The following DRC11 variants were observed in gnomAD, a reference collection of about 807,000 sequenced individuals.
The protein encoded by DRC11 is IQ and AAA domain-containing protein 1.
At chr2:236,410,497 T>A in the DRC11 span, among the ~76,000 whole-genome samples, 1 of 150,334 alleles carries the variant, frequency 6.7e-6, no homozygotes, top group Admixed American at 6.6e-5. Context: ...TTCAATGCCA[T>A]CCCCATCAAG....
the DRC11 span, among the ~76,000 whole-genome samples, chr2:236,393,204 C>T: frequency 2.6e-5 from 4 of 152,108 alleles, no homozygotes; most frequent in African/African-American, 9.7e-5. The surrounding 1 kb of genome is among the most constrained non-coding windows in gnomAD (Gnocchi z 4.7). Context: ...AGCTGACAAC[C>T]GCCACCCAGT....
At chr2:236,488,800 G>A in the DRC11 span, among the ~76,000 whole-genome samples, 44 of 152,328 alleles carry the variant, frequency 2.9e-4, no homozygotes, top group African/African-American at 9.9e-4. Flanking sequence ...GTAAAATGTT[G>A]TTTTGGGAGA....
the DRC11 span, among the ~76,000 whole-genome samples, chr2:236,356,969 T>TTATATATATTATATATCTATA: frequency 9.9e-4 from 88 of 88,720 alleles, 17 homozygotes; most frequent in Non-Finnish European, 1.5e-3. Flanking sequence ...AATATATATA[T>TTATATATATTATATATCTATA]TATATATTCA....
chr2:236,373,258 CTTT>C, the DRC11 span, among the ~76,000 whole-genome samples: 5 of 139,036 alleles, frequency 3.6e-5, no homozygotes, highest in Admixed American at 2.2e-4. Flanking sequence ...TGTATATTAA[CTTT>C]TTTTTTTTTT....
chr2:236,465,926 T>G, the DRC11 span, among the ~76,000 whole-genome samples: 1 of 152,252 alleles, frequency 6.6e-6, no homozygotes, highest in South Asian at 2.1e-4. This position sits in a 1 kb window ranked among gnomAD's most constrained non-coding sequence, Gnocchi z 6.2. Context: ...TCTTTTGTTT[T>G]GAAGTTTTCA....
chr2:236,483,065 C>T, the DRC11 span, among the ~76,000 whole-genome samples: 2 of 152,174 alleles, frequency 1.3e-5, no homozygotes, highest in Admixed American at 1.3e-4. This position sits in a 1 kb window ranked among gnomAD's most constrained non-coding sequence, Gnocchi z 4.8. Context: ...CAGTCCCTGA[C>T]AACCACCACC....
chr2:236,497,753 C>T, the DRC11 span, among the ~76,000 whole-genome samples: 2 of 152,076 alleles, frequency 1.3e-5, no homozygotes, highest in African/African-American at 4.8e-5. The surrounding 1 kb of genome is among the most constrained non-coding windows in gnomAD (Gnocchi z 5.1). Context: ...CTCACTTGGC[C>T]CATAAAGCCA....
At chr2:236,374,857 ATTTT>A in the DRC11 span, among the ~76,000 whole-genome samples, 1 of 125,938 alleles carries the variant, frequency 7.9e-6, no homozygotes, top group Admixed American at 8.2e-5. Flanking sequence ...TGCCTGGCTA[ATTTT>A]TTTTTTTTTT....
chr2:236,422,895 C>T, the DRC11 span, among the ~76,000 whole-genome samples: 2 of 151,900 alleles, frequency 1.3e-5, no homozygotes, highest in Non-Finnish European at 2.9e-5. Context: ...AGAAATAATG[C>T]CGCATATCTA....
the DRC11 span, among the ~76,000 whole-genome samples, chr2:236,421,557 G>A: frequency 6.6e-6 from 1 of 152,128 alleles, no homozygotes; most frequent in African/African-American, 2.4e-5. Flanking sequence ...CTGAAATTGA[G>A]GCAATAATTA....
chr2:236,364,920 C>T, the DRC11 span, among the ~76,000 whole-genome samples: 1 of 152,158 alleles, frequency 6.6e-6, no homozygotes, highest in African/African-American at 2.4e-5. Flanking sequence ...TACCATTCTC[C>T]ACATAAACTT....
At chr2:236,452,883 C>T in the DRC11 span, among the ~76,000 whole-genome samples, 2 of 152,180 alleles carry the variant, frequency 1.3e-5, no homozygotes, top group Non-Finnish European at 2.9e-5. The surrounding 1 kb of genome is among the most constrained non-coding windows in gnomAD (Gnocchi z 4.7). Context: ...ATATATTACT[C>T]AGCACACAAT....
chr2:236,453,510 T>C, the DRC11 span, among the ~76,000 whole-genome samples: 1 of 152,232 alleles, frequency 6.6e-6, no homozygotes, highest in Non-Finnish European at 1.5e-5. The surrounding 1 kb of genome is among the most constrained non-coding windows in gnomAD (Gnocchi z 4.9). Context: ...AACAGCTCTG[T>C]CCTCTGCCGC....
At chr2:236,476,247 G>A in the DRC11 span, among the ~76,000 whole-genome samples, 7 of 151,936 alleles carry the variant, frequency 4.6e-5, no homozygotes, top group Non-Finnish European at 1.0e-4. The surrounding 1 kb of genome is among the most constrained non-coding windows in gnomAD (Gnocchi z 4.7). Flanking sequence ...TTTTTCATCA[G>A]TGTTTTATAG....
At chr2:236,330,455 T>G in the DRC11 span, among the ~76,000 whole-genome samples, 1 of 152,238 alleles carries the variant, frequency 6.6e-6, no homozygotes, top group African/African-American at 2.4e-5. The surrounding 1 kb of genome is among the most constrained non-coding windows in gnomAD (Gnocchi z 5.5). Flanking sequence ...CCATTACTTC[T>G]GAAATCATTA....
chr2:236,389,528 C>T, the DRC11 span, among the ~76,000 whole-genome samples: 6 of 152,204 alleles, frequency 3.9e-5, no homozygotes, highest in Admixed American at 2.0e-4. Flanking sequence ...GGCTCGCGAC[C>T]GGTGCGCGCA....
the DRC11 span, among the ~76,000 whole-genome samples, chr2:236,358,473 A>T: frequency 1.4e-5 from 2 of 144,070 alleles, no homozygotes; most frequent in Non-Finnish European, 3.0e-5. Context: ...TATTTGATAA[A>T]TATTTGACAA....
At chr2:236,422,499 G>A in the DRC11 span, among the ~76,000 whole-genome samples, 54 of 152,170 alleles carry the variant, frequency 3.5e-4, no homozygotes, top group African/African-American at 1.3e-3. Context: ...TACAAGGGAC[G>A]TGAAGGACCT....
At chr2:236,503,721 T>A in the DRC11 span, 755 of 1,547,598 alleles carry the variant, frequency 4.9e-4, 6 homozygotes, top group African/African-American at 9.2e-3. The surrounding 1 kb of genome is among the most constrained non-coding windows in gnomAD (Gnocchi z 4.9). Context: ...TCCCCAGCTG[T>A]CCTGATGCCT....
Sources: gnomAD v4.1 joint callset for allele counts (sites outside exome capture counted in the v4.1 genomes callset) on GRCh38, gnomAD v4.1.1 for gene constraint, Gnocchi (gnomAD v3.1) non-coding constraint, MANE v1.5 for transcripts, NCBI Gene and HGNC (gene_info 2026-07-23, HGNC 2026-07-21) for gene names.